The following DQX1 variants were observed in gnomAD, a reference collection of about 807,000 sequenced individuals.
DQX1 encodes ATP-dependent RNA helicase homolog DQX1.
Under a neutral mutation model 81.3 loss-of-function variants are expected in DQX1, and 66 were observed. The observed-to-expected ratio is 0.81, with a 90% CI of 0.67 to 1.00. The LOEUF (loss-of-function observed/expected upper bound fraction) is 1.00. Ranked by LOEUF, DQX1 falls within the 50% of genes least tolerant of loss-of-function variation. The pLI, the probability that DQX1 is intolerant of heterozygous loss-of-function variation, is 0.00. For synonymous variants in DQX1, 290 were observed against 350.0 expected (o/e 0.83, Z 1.91); for missense variants, 798 against 867.9 (o/e 0.92, Z 1.01).
chr2:74,523,203 TCCTAGGATTGTAAA>T lies in DQX1; in HGVS notation c.1046_1059del (p.Val349AspfsTer37). On this transcript the variant is annotated frameshift_variant and splice_region_variant, in exon 6 of 12. Transcript: ENST00000404568. LOFTEE classifies it high-confidence loss of function. ...CTCAACACTTGGAATTCTGCTCGGA[TCCTAGGATTGTAAA>T]CCTGTTGCCCGTCCCCCAACCAAGG... is the stretch of plus-strand genomic sequence containing the variant. 6.2e-7 allele frequency: 1 copy of T among 1,614,176 alleles called. No homozygotes were observed. The highest frequency in any genetic ancestry group is 1.7e-5 in the Admixed American group (1 of 60,022).
intron 9 of DQX1, 44 bp downstream of exon 9, chr2:74,519,871 C>T (rs377273869): frequency 2.7e-5 from 43 of 1,602,616 alleles, no homozygotes; most frequent in Non-Finnish European, 3.4e-5. Context: ...AAAATTTCCC[C>T]TCTTTGGAAA....
chr2:74,524,623 G>A (rs1189941736), intron 3 of DQX1, among the ~76,000 whole-genome samples: 2 of 152,194 alleles, frequency 1.3e-5, no homozygotes, highest in Admixed American at 1.3e-4. Flanking sequence ...TTGGGGCCAG[G>A]CACGGTGGCT....
rs1441125516 is a variant in DQX1 at position 74,524,089 on chromosome 2, C to T, written c.650G>A (p.Gly217Asp). 1 of 1,614,136 alleles carries T rather than the reference C, an allele frequency of 6.2e-7. No homozygotes were observed. Among genetic ancestry groups the T allele is most frequent in the African/African-American group, 1.3e-5 (1 of 75,026 alleles). The stretch of plus-strand genomic sequence containing the variant: ...GGGTATATGCACAATAGGAGGATTG[C>T]CCCAGAAAGCTCGGAGCTTAGGTTC... ...ALEPKLRAFW[G>D]NPPIVHIPRE... The change falls in exon 4 of 12, where the codon GGC (glycine) becomes GAC (aspartate). Residue 217 changes from glycine (G) to aspartate (D), a missense_variant. Gly to Asp is a moderately conservative substitution (Grantham distance 94). Coordinates refer to ENST00000404568, the MANE Select transcript of DQX1 (RefSeq NM_133637.3).
chr2:74,519,670 TC>T lies in DQX1; in HGVS notation c.1691del (p.Gly564GlufsTer4). On this transcript the variant is annotated frameshift_variant, in exon 10 of 12. Transcript: ENST00000404568. LOFTEE classifies it high-confidence loss of function. ...AALCQAHKLR[G>X]ELLELMQRIE... ...TTCGTTGCATGAGTTCTAGGAGTTC[TC>T]CCCGAAGTTTATGGGCTTGGCACAA... 6.2e-7 allele frequency: 1 copy of T among 1,614,200 alleles called. No homozygotes were observed. Among genetic ancestry groups the T allele is most frequent in the Non-Finnish European group, 8.5e-7 (1 of 1,180,040 alleles).
intron 3 of DQX1, 147 bp from the exon 4 acceptor site, chr2:74,524,454 C>T: frequency 8.5e-7 from 1 of 1,170,718 alleles, no homozygotes; most frequent in Non-Finnish European, 1.2e-6. Flanking sequence ...GGACCCATAA[C>T]TGTCACCCCA....
intron 1 of DQX1, 103 bp downstream of exon 1, chr2:74,526,033 T>C (rs561061946): frequency 2.8e-5 from 10 of 356,910 alleles, no homozygotes; most frequent in Non-Finnish European, 4.2e-5. Flanking sequence ...GTAGAAATTA[T>C]GTGAGACCTA....
intron 4 of DQX1, 132 bp downstream of exon 4, chr2:74,523,791 A>T: frequency 2.2e-6 from 3 of 1,344,150 alleles, no homozygotes; most frequent in Non-Finnish European, 3.0e-6. Flanking sequence ...CGGAGAGTAA[A>T]TACTGCAACT....
Position 74,522,667 on chromosome 2 carries a change from G to A in DQX1, c.1408C>T (p.Leu470=). Residue 470 remains leucine, a synonymous_variant, in exon 8 of 12, where the codon CTG becomes TTG. Coordinates refer to ENST00000404568, the MANE Select transcript of DQX1 (RefSeq NM_133637.3). ...DLGVILSEFP[L]APELAKALLA... ...AGGGCTTTGGCCAGCTCAGGGGCCA[G>A]AGGGAATTCTGATAGTATGACACCC... 2 of 1,614,246 alleles carry A rather than the reference G, an allele frequency of 1.2e-6. No homozygotes were observed. The highest frequency in any genetic ancestry group is 4.5e-5 in the East Asian group (2 of 44,884).
rs1674986830 is a variant in DQX1 at position 74,520,034 on chromosome 2, G to A, written c.1496C>T (p.Ala499Val). 1 of 1,611,710 alleles carries A rather than the reference G, an allele frequency of 6.2e-7. No individual in the cohort carries two copies. The highest frequency in any genetic ancestry group is 2.2e-5 in the East Asian group (1 of 44,772). The change falls in exon 9 of 12, where the codon GCT becomes GTT. Residue 499 changes from alanine (A) to valine (V), a missense_variant and splice_region_variant. Ala to Val is a moderately conservative substitution (Grantham distance 64). Coordinates refer to ENST00000404568, the MANE Select transcript of DQX1 (RefSeq NM_133637.3). ...TGGAGGACGGGTAAACCCAGGGGCA[G>A]CTGGAGGCAGAAGAGTGGAAGGTAG... Reference protein sequence around the residue: ...EMLTLAAMLTAAPGFTRPPLS... With the variant: ...EMLTLAAMLTVAPGFTRPPLS...
intron 11 of DQX1, 44 bp downstream of exon 11, chr2:74,518,996 A>C (rs1230653151): frequency 6.7e-7 from 1 of 1,487,292 alleles, no homozygotes; most frequent in East Asian, 2.3e-5. Flanking sequence ...TTTTGGCCCC[A>C]GGGAGAGGAA....
chr2:74,522,887 C>T lies in DQX1; in HGVS notation c.1272G>A (p.Glu424=). The change falls in exon 7 of 12, where the codon GAG becomes GAA. Residue 424 remains glutamate, a synonymous_variant. Coordinates refer to ENST00000404568, the MANE Select transcript of DQX1 (RefSeq NM_133637.3). ...VLLLKRRQIA[E]PGECHFLDQP... Reference sequence around the variant, plus strand: ...GGTCCAGGAAGTGACACTCCCCTGGCTCTGCAATCTGTCTCCTTTTTAGTA... The same window carrying T: ...GGTCCAGGAAGTGACACTCCCCTGGTTCTGCAATCTGTCTCCTTTTTAGTA... 6.2e-7 allele frequency: 1 copy of T among 1,614,122 alleles called. No individual in the cohort carries two copies. The highest frequency in any genetic ancestry group is 8.5e-7 in the Non-Finnish European group (1 of 1,179,970).
Position 74,518,307 on chromosome 2 carries a change from T to C in DQX1, c.*139A>G, listed in dbSNP as rs1674940227. On this transcript the variant is annotated 3_prime_UTR_variant, in exon 12 of 12. Transcript: ENST00000404568. Reference sequence around the variant, plus strand: ...CATTCTTTCCATTCCCAGTCTACCATTTCTTGGGACTCAGGTTCCAGGGTT... The same window carrying C: ...CATTCTTTCCATTCCCAGTCTACCACTTCTTGGGACTCAGGTTCCAGGGTT... 4.0e-6 allele frequency: 4 copies of C among 998,584 alleles called. No homozygotes were observed. The East Asian group carries it at 1.0e-4, about 25-fold the overall frequency. 61.9% of individuals were successfully genotyped at this position (998,584 alleles called of 1,614,324 possible). A position where few individuals can be genotyped will look rare whatever the true frequency, so the allele number is the denominator to read the frequency against.
rs1333372416 is a variant in DQX1 at position 74,520,041 on chromosome 2, GCAGAAGAGTGGAAGGTAGAATCTGC to G, written c.1496-32_1496-8del. The G allele has an allele frequency of 1.2e-6, 2 of 1,610,294 alleles. No homozygotes were observed. Among genetic ancestry groups the G allele is most frequent in the African/African-American group, 2.7e-5 (2 of 74,858 alleles). On this transcript the variant is annotated splice_polypyrimidine_tract_variant and splice_region_variant and intron_variant, in intron 8 of 11. Coordinates refer to ENST00000404568, the MANE Select transcript of DQX1 (RefSeq NM_133637.3). ...CGGGTAAACCCAGGGGCAGCTGGAG[GCAGAAGAGTGGAAGGTAGAATCTGC>G]CATTTGGGAAATGGGAAGGGATAGT...
Position 74,519,241 on chromosome 2 carries a change from G to A in DQX1, c.1807-11C>T. 6.5e-7 allele frequency: 1 copy of A among 1,543,068 alleles called. No homozygotes were observed. The highest frequency in any genetic ancestry group is 8.7e-7 in the Non-Finnish European group (1 of 1,146,154). ...TGTGTCTCTGGCCACCTTATTGAAA[G>A]GCAGAAATATTGACGGAATAAATAA... On this transcript the variant is annotated splice_polypyrimidine_tract_variant and intron_variant, in intron 10 of 11. Coordinates refer to ENST00000404568, the MANE Select transcript of DQX1 (RefSeq NM_133637.3).
Position 74,524,169 on chromosome 2 carries a change from C to T in DQX1, c.570G>A (p.Arg190=), listed in dbSNP as rs1454081075. ...TGAGGTCCCCCGGAAGTTTTTCCAG[C>T]CTGGCATCTTGCAGTAGCCCCTGGA... ...DSLQGLLQDA[R]LEKLPGDLRV... The change falls in exon 4 of 12, where the codon AGG becomes AGA. Residue 190 remains arginine (R), a synonymous_variant. Transcript: ENST00000404568. 4.3e-6 allele frequency: 7 copies of T among 1,614,180 alleles called. No individual in the cohort carries two copies. The highest frequency in any genetic ancestry group is 5.9e-6 in the Non-Finnish European group (7 of 1,180,034).
At position 74,519,576 on chromosome 2, in the gene DQX1, C is replaced by G; in HGVS notation, c.1786G>C (p.Val596Leu). 6.2e-7 allele frequency: 1 copy of G among 1,614,234 alleles called. No homozygotes were observed. Among genetic ancestry groups the G allele is most frequent in the Non-Finnish European group, 8.5e-7 (1 of 1,180,046 alleles). ...QNRRDLQKAL[V>L]SGYFLKVARD... Reference sequence around the variant, plus strand: ...CTAACCTTGAGAAAGTATCCTGACACCAGTGCTTTCTGAAGGTCTCTGCGA... The same window carrying G: ...CTAACCTTGAGAAAGTATCCTGACAGCAGTGCTTTCTGAAGGTCTCTGCGA... The change falls in exon 10 of 12, where the codon GTG becomes CTG. Residue 596 changes from valine (V) to leucine (L), a missense_variant. Physicochemically the swap from Val to Leu is conservative, Grantham distance 32. Transcript: ENST00000404568.
chr2:74,525,840 G>T lies in DQX1; in HGVS notation c.-19-92C>A. On this transcript the variant is annotated intron_variant, in intron 1 of 11. Transcript: ENST00000404568. The surrounding 1 kb of genome is among the most constrained non-coding windows in gnomAD (Gnocchi z 4.1). ...TGATCCTTAACCTCTACCTTCAGTT[G>T]ATCATGCTCTGGGGCCCACCCTTCC... 2 of 895,940 alleles carry T rather than the reference G, an allele frequency of 2.2e-6. No homozygotes were observed. Among genetic ancestry groups the T allele is most frequent in the Non-Finnish European group, 3.4e-6 (2 of 595,406 alleles). The allele number at this position is 895,940 out of a possible 1,614,324, so 55.5% of individuals were successfully genotyped here. A position where few individuals can be genotyped will look rare whatever the true frequency, so the allele number is the denominator to read the frequency against.
chr2:74,523,022 G>A lies in DQX1; in HGVS notation c.1145-8C>T, dbSNP rs532949134. 2.5e-6 allele frequency: 4 copies of A among 1,613,970 alleles called. No homozygotes were observed. The highest frequency in any genetic ancestry group is 1.1e-5 in the South Asian group (1 of 91,076). Reference sequence around the variant, plus strand: ...ACAGGCAGAGGCAGGATCCTGAGGGGAAAAAGACCTGGGAAAGAAGACCAC... The same window carrying A: ...ACAGGCAGAGGCAGGATCCTGAGGGAAAAAAGACCTGGGAAAGAAGACCAC... On this transcript the variant is annotated splice_region_variant and splice_polypyrimidine_tract_variant and intron_variant, in intron 6 of 11. Transcript: ENST00000404568.
intron 8 of DQX1, among the ~76,000 whole-genome samples, chr2:74,522,044 AG>A (rs1330966442): frequency 6.6e-6 from 1 of 152,232 alleles, no homozygotes; most frequent in Non-Finnish European, 1.5e-5. Context: ...GAAAAGATAA[AG>A]GGGATGACCA....
Sources: gnomAD v4.1 joint callset for allele counts (sites outside exome capture counted in the v4.1 genomes callset) on GRCh38, gnomAD v4.1.1 for gene constraint, Gnocchi (gnomAD v3.1) non-coding constraint, MANE v1.5 for transcripts, NCBI Gene and HGNC (gene_info 2026-07-23, HGNC 2026-07-21) for gene names.